Variants in CD109 observed in about 807,000 individuals in gnomAD.
CD109 encodes the protein CD109 molecule.
Under a neutral mutation model 165.8 loss-of-function variants are expected in CD109, and 149 were observed. That is an observed-to-expected ratio of 0.90 (90% CI 0.79 to 1.03). The LOEUF (loss-of-function observed/expected upper bound fraction) is 1.03, where lower values mean the gene tolerates loss of function less well. Among genes scored for constraint, CD109 ranks in the 50% least tolerant of loss-of-function variants. CD109 has a pLI of 0.00. For missense variants in CD109, 1,712 were observed against 1,677.8 expected (o/e 1.02, Z -0.36); for synonymous variants, 585 against 592.1 (o/e 0.99, Z 0.18).
rs1217546478 is a variant in CD109 at position 73,826,820 on chromosome 6, T to A, written c.*3187T>A. 2 of 151,718 alleles carry A rather than the reference T, an allele frequency of 1.3e-5. No homozygotes were observed. The highest frequency in any genetic ancestry group is 2.9e-5 in the Non-Finnish European group (2 of 67,952). 9.4% of individuals were successfully genotyped at this position (151,718 alleles called of 1,614,324 possible). On this transcript the variant is annotated 3_prime_UTR_variant, in exon 33 of 33. Coordinates refer to ENST00000287097, the MANE Select transcript of CD109 (RefSeq NM_133493.5). ...TTCAGAATTGTAGATAGCATAACTC[T>A]CCCTGCTCCTATTCTTTTGAGCCTA...
At chr6:73,750,005 C>A (rs78900696) in intron 5 of CD109, among the ~76,000 whole-genome samples, 12,848 of 152,146 alleles carry the variant, frequency 0.084, 676 homozygotes, top group Middle Eastern at 0.13. Context: ...TATACGAATA[C>A]CTTCAATGTT....
At chr6:73,791,614 T>C (rs1431464707) in intron 22 of CD109, among the ~76,000 whole-genome samples, 2 of 152,180 alleles carry the variant, frequency 1.3e-5, no homozygotes, top group Admixed American at 1.3e-4. Flanking sequence ...GAACGGATTT[T>C]CAAGTTTTAT....
intron 2 of CD109, among the ~76,000 whole-genome samples, chr6:73,717,510 GC>G (rs1218575835): frequency 6.6e-6 from 1 of 150,620 alleles, no homozygotes; most frequent in Non-Finnish European, 1.5e-5. Context: ...TCAAGTTAAT[GC>G]CTGGGTATTT....
chr6:73,799,694 C>T (rs1224239262), intron 23 of CD109, among the ~76,000 whole-genome samples: 1 of 152,248 alleles, frequency 6.6e-6, no homozygotes, highest in East Asian at 1.9e-4. Context: ...CCAGTCACCT[C>T]CCACTGGGCC....
the CD109 span, among the ~76,000 whole-genome samples, chr6:73,687,990 C>T: frequency 6.6e-6 from 1 of 152,162 alleles, no homozygotes; most frequent in East Asian, 1.9e-4. Context: ...TACAAATTGT[C>T]CCATTAGGTG....
At chr6:73,724,657 G>A (rs964033458) in intron 3 of CD109, among the ~76,000 whole-genome samples, 8 of 145,632 alleles carry the variant, frequency 5.5e-5, no homozygotes, top group Non-Finnish European at 9.0e-5. Context: ...TCTGTTGCCC[G>A]GGCTGGAGTT....
At chr6:73,729,023 A>G (rs1562033945) in intron 3 of CD109, among the ~76,000 whole-genome samples, 2 of 152,218 alleles carry the variant, frequency 1.3e-5, no homozygotes, top group East Asian at 3.8e-4. Flanking sequence ...CATCAGGGCT[A>G]ACACATTCTG....
chr6:73,726,346 C>T (rs1484202241), intron 3 of CD109, among the ~76,000 whole-genome samples: 4 of 152,050 alleles, frequency 2.6e-5, no homozygotes, highest in South Asian at 2.1e-4. Context: ...TTGTTTTGTA[C>T]ACAATATGGC....
intron 4 of CD109, among the ~76,000 whole-genome samples, chr6:73,734,227 C>T (rs936783872): frequency 1.3e-5 from 2 of 152,148 alleles, no homozygotes; most frequent in Admixed American, 6.5e-5. Context: ...GGAATTATCT[C>T]ATTCTCCCCC....
chr6:73,699,625 C>A (rs965142096), intron 2 of CD109, among the ~76,000 whole-genome samples: 1 of 151,972 alleles, frequency 6.6e-6, no homozygotes, highest in African/African-American at 2.4e-5. Context: ...CTTAGATCTT[C>A]TTTTGGGAGA....
intron 19 of CD109, among the ~76,000 whole-genome samples, chr6:73,784,984 T>G (rs568575717): frequency 1.2e-3 from 184 of 152,288 alleles, no homozygotes; most frequent in African/African-American, 4.2e-3. Context: ...GGGTTCTAGT[T>G]CTGGCTCCTC....
intron 6 of CD109, among the ~76,000 whole-genome samples, chr6:73,758,002 A>G (rs1365180374): frequency 6.6e-6 from 1 of 151,408 alleles, no homozygotes; most frequent in East Asian, 1.9e-4. Context: ...ATTGATTGCA[A>G]ACCTATGATG....
chr6:73,699,143 T>C (rs1770963734), intron 2 of CD109, among the ~76,000 whole-genome samples: 1 of 152,308 alleles, frequency 6.6e-6, no homozygotes, highest in African/African-American at 2.4e-5. Flanking sequence ...AAAGAAAATA[T>C]TGAAATATTA....
At chr6:73,817,520 G>T (rs1210663279) in intron 30 of CD109, among the ~76,000 whole-genome samples, 6 of 152,092 alleles carry the variant, frequency 3.9e-5, no homozygotes, top group Non-Finnish European at 7.4e-5. Context: ...TGGGTTTTCT[G>T]CTCTAAAAAG....
intron 16 of CD109, 36 bp downstream of exon 16, chr6:73,780,534 A>AT (rs1204826280): frequency 1.1e-5 from 15 of 1,322,816 alleles, no homozygotes; most frequent in African/African-American, 5.8e-5. Context: ...AGATATTAAT[A>AT]TTTTTTACTA....
intron 29 of CD109, among the ~76,000 whole-genome samples, chr6:73,814,160 G>C (rs561140983): frequency 6.6e-6 from 1 of 151,978 alleles, no homozygotes. Context: ...GTTCTGAGGG[G>C]TGTGTGTGTA....
At chr6:73,712,866 A>G (rs962411505) in intron 2 of CD109, among the ~76,000 whole-genome samples, 22 of 152,228 alleles carry the variant, frequency 1.4e-4, no homozygotes, top group Non-Finnish European at 2.9e-5. Flanking sequence ...AAAAACACTA[A>G]GAAGAACCTT....
chr6:73,798,732 T>C (rs762557231), intron 23 of CD109, among the ~76,000 whole-genome samples: 30 of 152,100 alleles, frequency 2.0e-4, no homozygotes, highest in Non-Finnish European at 4.3e-4. Context: ...TTGATATTAA[T>C]GGGGAATGTT....
chr6:73,710,268 A>C (rs1248901461), intron 2 of CD109, among the ~76,000 whole-genome samples: 2 of 152,212 alleles, frequency 1.3e-5, no homozygotes, highest in Non-Finnish European at 2.9e-5. Flanking sequence ...ATCAATGTGC[A>C]AAAATCACCA....
Sources: gnomAD v4.1 joint callset for allele counts (sites outside exome capture counted in the v4.1 genomes callset) on GRCh38, gnomAD v4.1.1 for gene constraint, MANE v1.5 for transcripts, NCBI Gene and HGNC (gene_info 2026-07-23, HGNC 2026-07-21) for gene names.